The following PKIG variants were observed in gnomAD, a reference collection of about 807,000 sequenced individuals.
PKIG encodes protein kinase (cAMP-dependent, catalytic) inhibitor gamma.
In PKIG, 1 loss-of-function variant was observed where a neutral mutation model predicts 6.8. The observed-to-expected ratio is 0.15, with a 90% CI of 0.05 to 0.69. The LOEUF is 0.69. Among genes scored for constraint, PKIG ranks in the 30% least tolerant of loss-of-function variants. The probability of loss-of-function intolerance (pLI) is 0.82; values close to 1 mark genes in which losing one functional copy is unlikely to be tolerated. For missense variants in PKIG, 77 were observed against 104.0 expected (o/e 0.74, Z 1.13); for synonymous variants, 39 against 43.0 (o/e 0.91, Z 0.36).
chr20:44,612,821 A>G (rs2065231058), intron 2 of PKIG, among the ~76,000 whole-genome samples: 1 of 152,196 alleles, frequency 6.6e-6, no homozygotes, highest in South Asian at 2.1e-4. Flanking sequence ...CTCTCAGGAA[A>G]CAATTAGGGA....
intron 1 of PKIG, among the ~76,000 whole-genome samples, chr20:44,585,552 A>C (rs550551817): frequency 6.6e-6 from 1 of 152,362 alleles, no homozygotes; most frequent in South Asian, 2.1e-4. Flanking sequence ...CACAGCTGGC[A>C]GGGGCTAGAG....
At chr20:44,532,642 G>T (rs949757649) in intron 1 of PKIG, among the ~76,000 whole-genome samples, 12 of 152,170 alleles carry the variant, frequency 7.9e-5, no homozygotes, top group African/African-American at 2.7e-4. Flanking sequence ...GGACATACAG[G>T]GGGGCTGTGA....
upstream of PKIG, among the ~76,000 whole-genome samples, chr20:44,579,970 A>G (rs925836121): frequency 2.6e-5 from 4 of 152,124 alleles, no homozygotes; most frequent in Non-Finnish European, 5.9e-5. Context: ...GCTGCTGAGA[A>G]CAGGCCTTAC....
intron 1 of PKIG, among the ~76,000 whole-genome samples, chr20:44,562,388 A>G (rs984186337): frequency 6.6e-6 from 1 of 152,038 alleles, no homozygotes; most frequent in African/African-American, 2.4e-5. Context: ...AGGCGGGCAA[A>G]TCACTTGAGC....
chr20:44,607,939 C>A (rs180828355), intron 2 of PKIG, among the ~76,000 whole-genome samples: 2 of 152,042 alleles, frequency 1.3e-5, no homozygotes. Flanking sequence ...ACCCACCCCC[C>A]GCCGCCTCGG....
chr20:44,560,285 C>T (rs2064755661), intron 1 of PKIG, among the ~76,000 whole-genome samples: 1 of 145,922 alleles, frequency 6.9e-6, no homozygotes, highest in Non-Finnish European at 1.5e-5. Flanking sequence ...AAATAAATAC[C>T]ATTGTGATGT....
At chr20:44,610,795 A>G (rs1239626070) in intron 2 of PKIG, among the ~76,000 whole-genome samples, 1 of 151,638 alleles carries the variant, frequency 6.6e-6, no homozygotes, top group African/African-American at 2.4e-5. Context: ...TTGTTTTGCA[A>G]CCTCTGTTTT....
chr20:44,571,850 C>T (rs1417103424), intron 1 of PKIG, among the ~76,000 whole-genome samples: 1 of 152,242 alleles, frequency 6.6e-6, no homozygotes, highest in Admixed American at 6.5e-5. Flanking sequence ...GAACACTGTA[C>T]ACTACCATTG....
At chr20:44,608,309 TTTTCA>T (rs2065185247) in intron 2 of PKIG, among the ~76,000 whole-genome samples, 1 of 152,230 alleles carries the variant, frequency 6.6e-6, no homozygotes, top group African/African-American at 2.4e-5. Context: ...CTGGTATTCT[TTTTCA>T]TTTAACTATA....
chr20:44,559,253 G>A (rs1201711272), intron 1 of PKIG, among the ~76,000 whole-genome samples: 1 of 152,140 alleles, frequency 6.6e-6, no homozygotes, highest in African/African-American at 2.4e-5. Context: ...CAGAAATTAT[G>A]CATGTCCAAA....
At chr20:44,599,161 T>C (rs1649964499) in intron 2 of PKIG, among the ~76,000 whole-genome samples, 1 of 152,170 alleles carries the variant, frequency 6.6e-6, no homozygotes, top group Non-Finnish European at 1.5e-5. Context: ...AATGCCTTAT[T>C]ATGAAGCTGG....
intron 2 of PKIG, among the ~76,000 whole-genome samples, chr20:44,609,122 T>C (rs2123458565): frequency 6.6e-6 from 1 of 152,274 alleles, no homozygotes; most frequent in South Asian, 2.1e-4. Context: ...AATAAAACGA[T>C]GTGTTTCTGC....
upstream of PKIG, among the ~76,000 whole-genome samples, chr20:44,579,307 G>T (rs1206736074): frequency 6.6e-6 from 1 of 152,202 alleles, no homozygotes; most frequent in Non-Finnish European, 1.5e-5. Flanking sequence ...GGGGTAAAAG[G>T]TGGAATTAAA....
chr20:44,550,296 A>C (rs1386147833), intron 1 of PKIG, among the ~76,000 whole-genome samples: 6 of 151,952 alleles, frequency 3.9e-5, no homozygotes, highest in Admixed American at 3.9e-4. Flanking sequence ...AACTCCATCA[A>C]GTTCAAGGCA....
Position 44,601,888 on chromosome 20 carries a change from A to G in PKIG, c.-24+12022A>G, listed in dbSNP as rs533597998. 2.6e-4 allele frequency among the ~76,000 whole-genome samples: 39 copies of G among 152,356 alleles called. No homozygotes were observed. The South Asian group carries it at 3.1e-3, about 12-fold the overall frequency. On this transcript the variant is annotated intron_variant, in intron 2 of 3. Coordinates refer to ENST00000372886, the MANE Select transcript of PKIG (RefSeq NM_001281445.2). ...AATAGCTGCAGACTTGGAACAGACC[A>G]TGTAGCTCTTGGCAGAGCCTGGGGC...
chr20:44,617,897 T>TAAA (rs200306947), intron 3 of PKIG, among the ~76,000 whole-genome samples: 1 of 147,948 alleles, frequency 6.8e-6, no homozygotes, highest in African/African-American at 2.5e-5. Flanking sequence ...ATACAAAAAT[T>TAAA]AAAAAAAAAA....
intron 1 of PKIG, among the ~76,000 whole-genome samples, chr20:44,544,931 T>TTC (rs2064599077): frequency 9.2e-6 from 1 of 109,134 alleles, no homozygotes; most frequent in Non-Finnish European, 1.9e-5. Flanking sequence ...CTTTCTTTTT[T>TTC]TTTTTTTTTT....
rs1207985096 is a variant in PKIG at position 44,614,574 on chromosome 20, C to G, written c.18C>G (p.Ser6=). Residue 6 remains serine (S), a synonymous_variant, in exon 3 of 4, where the codon TCC becomes TCG. Transcript: ENST00000372886. The surrounding 1 kb of genome is among the most constrained non-coding windows in gnomAD (Gnocchi z 4.6). MMEVE[S]SYSDFISCDR... is the part of the protein sequence containing the mutation. ...CGACAGGCATGATGGAGGTCGAGTC[C>G]TCCTACTCGGACTTCATCTCCTGTG... 2 of 1,614,126 alleles carry G rather than the reference C, an allele frequency of 1.2e-6. No homozygotes were observed. The highest frequency in any genetic ancestry group is 1.7e-6 in the Non-Finnish European group (2 of 1,180,020).
In PKIG at chr20:44,587,673, C is replaced by T. The variant is rs560220500; in HGVS notation, c.-93-2124C>T. ...AAGCTAGATAGTACAGAAAAACACA[C>T]TTAAAATAAATCATCACTCAGTGAT... is the stretch of plus-strand genomic sequence containing the variant. On this transcript the variant is annotated intron_variant, in intron 1 of 3. Transcript: ENST00000372886. Among the ~76,000 whole-genome samples the T allele has an allele frequency of 8.5e-5, 13 of 152,174 alleles. No individual in the cohort carries two copies. The East Asian group carries it at 2.3e-3, about 27-fold the overall frequency.
Sources: gnomAD v4.1 joint callset for allele counts (sites outside exome capture counted in the v4.1 genomes callset) on GRCh38, gnomAD v4.1.1 for gene constraint, Gnocchi (gnomAD v3.1) non-coding constraint, MANE v1.5 for transcripts, NCBI Gene and HGNC (gene_info 2026-07-23, HGNC 2026-07-21) for gene names.